The following NRG3 variants were observed in gnomAD, a reference collection of about 807,000 sequenced individuals.
The protein encoded by NRG3 is pro-neuregulin-3, membrane-bound isoform.
Under a neutral mutation model 66.9 loss-of-function variants are expected in NRG3, and 31 were observed. The observed-to-expected ratio is 0.46, with a 90% CI of 0.35 to 0.63. The LOEUF (loss-of-function observed/expected upper bound fraction) is 0.63, where lower values mean the gene tolerates loss of function less well. Ranked by LOEUF, NRG3 falls within the 20% of genes least tolerant of loss-of-function variation. The probability of loss-of-function intolerance (pLI) is 0.00; values close to 1 mark genes in which losing one functional copy is unlikely to be tolerated. For missense variants in NRG3, 910 were observed against 878.9 expected (o/e 1.04, Z -0.45); for synonymous variants, 393 against 359.4 (o/e 1.09, Z -1.06).
At chr10:81,893,119 C>T (rs1589372582) in intron 1 of NRG3, among the ~76,000 whole-genome samples, 2 of 152,102 alleles carry the variant, frequency 1.3e-5, no homozygotes, top group East Asian at 1.9e-4. Flanking sequence ...AAGTAATAAA[C>T]GGAAAGTAAA....
chr10:82,114,232 T>C (rs1300533775), intron 1 of NRG3, among the ~76,000 whole-genome samples: 2 of 152,180 alleles, frequency 1.3e-5, no homozygotes, highest in African/African-American at 4.8e-5. Flanking sequence ...GTGATGCATA[T>C]TTGAGTTGTT....
At chr10:82,159,288 C>T (rs990913405) in intron 1 of NRG3, among the ~76,000 whole-genome samples, 1 of 151,880 alleles carries the variant, frequency 6.6e-6, no homozygotes, top group Non-Finnish European at 1.5e-5. Flanking sequence ...AGCCATTCAT[C>T]ATCCAACCTC....
At chr10:82,007,784 A>G (rs2061428837) in intron 1 of NRG3, among the ~76,000 whole-genome samples, 1 of 152,182 alleles carries the variant, frequency 6.6e-6, no homozygotes, top group African/African-American at 2.4e-5. Flanking sequence ...GGGCCTATTT[A>G]TGAAACAATA....
chr10:82,335,798 AT>A (rs1240952825), intron 1 of NRG3, among the ~76,000 whole-genome samples: 1 of 152,216 alleles, frequency 6.6e-6, no homozygotes, highest in Non-Finnish European at 1.5e-5. Context: ...TTCTACATAT[AT>A]TTTTTGAAAC....
chr10:82,056,458 G>A (rs545757030), intron 1 of NRG3, among the ~76,000 whole-genome samples: 2 of 152,160 alleles, frequency 1.3e-5, no homozygotes, highest in Non-Finnish European at 2.9e-5. Flanking sequence ...TACAATTATA[G>A]AAGTGAGGGG....
At chr10:82,063,892 A>T (rs1009395273) in intron 1 of NRG3, among the ~76,000 whole-genome samples, 1 of 152,192 alleles carries the variant, frequency 6.6e-6, no homozygotes, top group African/African-American at 2.4e-5. Context: ...TTTTTTAACA[A>T]CATAGCTGGG....
rs114558192 is a variant in NRG3, at chr10:82,010,408, A to G, written c.823+134245A>G. The stretch of plus-strand genomic sequence containing the variant: ...CAAAATATAATGTGGTTTGAAAAAT[A>G]TGAGTTACTGTGTTAGGTTCAGATT... On this transcript the variant is annotated intron_variant, in intron 1 of 8. Coordinates refer to ENST00000372141, the MANE Select transcript of NRG3 (RefSeq NM_001010848.4). Among the ~76,000 whole-genome samples, 1,494 of 152,322 alleles carry G rather than the reference A, an allele frequency of 9.8e-3. 34 individuals are homozygous for G. The highest frequency in any genetic ancestry group is 0.034 in the African/African-American group (1,400 of 41,562).
intron 3 of NRG3, among the ~76,000 whole-genome samples, chr10:82,761,977 C>CTTTCT (rs1565287581): frequency 7.6e-5 from 5 of 65,794 alleles, no homozygotes; most frequent in African/African-American, 1.7e-4. Context: ...TCTTTCTTTT[C>CTTTCT]TTTCTTTCTT....
At chr10:82,810,278 C>A (rs1437921794) in intron 3 of NRG3, among the ~76,000 whole-genome samples, 1 of 152,112 alleles carries the variant, frequency 6.6e-6, no homozygotes, top group Admixed American at 6.5e-5. Flanking sequence ...TTTTAAAGAT[C>A]TGGTTTTTAT....
chr10:82,686,447 C>G (rs560985316), intron 2 of NRG3, among the ~76,000 whole-genome samples: 1 of 152,268 alleles, frequency 6.6e-6, no homozygotes, highest in East Asian at 1.9e-4. Flanking sequence ...CTCAGCCCCC[C>G]AAAGTGCTGG....
At chr10:81,887,214 C>T (rs1226360259) in intron 1 of NRG3, among the ~76,000 whole-genome samples, 1 of 152,034 alleles carries the variant, frequency 6.6e-6, no homozygotes, top group African/African-American at 2.4e-5. Context: ...AGTGCAAATG[C>T]ATTTCCATTT....
At position 82,376,405 on chromosome 10, in the gene NRG3, G is replaced by T. The variant is rs187449669; in HGVS notation, c.953+17537G>T. ...CACAGGCCTCCACTGGGGCTTCCCA[G>T]GTCCTTGAAACTTTGGGTTTCGTTT... On this transcript the variant is annotated intron_variant, in intron 2 of 8. Transcript: ENST00000372141. Among the ~76,000 whole-genome samples the T allele has an allele frequency of 6.6e-5, 10 of 152,302 alleles. No homozygotes were observed. The East Asian group carries it at 1.9e-3, about 29-fold the overall frequency.
rs532288504 is a variant in NRG3, at chr10:82,688,042, C to T, written c.954-50535C>T. Among the ~76,000 whole-genome samples the T allele has an allele frequency of 1.6e-3, 248 of 152,330 alleles. 1 individual carries two copies. Among genetic ancestry groups the T allele is most frequent in the Middle Eastern group, 6.8e-3 (2 of 294 alleles). ...CATCCTTGAACTCACCATGAACACT[C>T]ATTTCCACATTACCACCCATGTGCT... On this transcript the variant is annotated intron_variant, in intron 2 of 8. Transcript: ENST00000372141.
At chr10:82,596,787 T>C (rs1424854478) in intron 2 of NRG3, among the ~76,000 whole-genome samples, 1 of 152,198 alleles carries the variant, frequency 6.6e-6, no homozygotes, top group Non-Finnish European at 1.5e-5. Context: ...GCAGTATGGC[T>C]TGCTTTGAGA....
At chr10:81,989,173 C>T (rs899871709) in intron 1 of NRG3, among the ~76,000 whole-genome samples, 2 of 152,132 alleles carry the variant, frequency 1.3e-5, no homozygotes, top group Non-Finnish European at 2.9e-5. Context: ...TCATTAACTA[C>T]ATTGGGAGAC....
intron 2 of NRG3, among the ~76,000 whole-genome samples, chr10:82,549,857 T>G (rs2044185016): frequency 6.6e-6 from 1 of 150,662 alleles, no homozygotes. Flanking sequence ...TAGATGAATT[T>G]CTCAGTGTTG....
chr10:82,347,396 C>G (rs1381784368), intron 1 of NRG3, among the ~76,000 whole-genome samples: 3 of 152,082 alleles, frequency 2.0e-5, no homozygotes, highest in Non-Finnish European at 4.4e-5. Context: ...ATTCTTAATC[C>G]TGAGTTCTAG....
chr10:82,448,241 G>A (rs1224809477), intron 2 of NRG3, among the ~76,000 whole-genome samples: 1 of 152,198 alleles, frequency 6.6e-6, no homozygotes, highest in Non-Finnish European at 1.5e-5. Context: ...TTTTTCTGGA[G>A]AGGAATGTCA....
rs191680701 is a variant in NRG3 at position 82,596,844 on chromosome 10, T to C, written c.954-141733T>C. Reference sequence around the variant, plus strand: ...GGAAAAGACTGCAAAAGTCAAAATATAAATATATTCAGTGACTTCAGATCC... The same window carrying C: ...GGAAAAGACTGCAAAAGTCAAAATACAAATATATTCAGTGACTTCAGATCC... On this transcript the variant is annotated intron_variant, in intron 2 of 8. Coordinates refer to ENST00000372141, the MANE Select transcript of NRG3 (RefSeq NM_001010848.4). 3.9e-5 allele frequency among the ~76,000 whole-genome samples: 6 copies of C among 152,226 alleles called. No individual in the cohort carries two copies. In the East Asian group the frequency reaches 1.2e-3, roughly 29 times the overall value.
Sources: allele counts gnomAD v4.1 joint callset (sites outside exome capture counted in the v4.1 genomes callset), GRCh38; gene constraint gnomAD v4.1.1; transcripts MANE v1.5; gene names NCBI Gene and HGNC (gene_info 2026-07-23, HGNC 2026-07-21).